Variants in ASTN2 observed in about 807,000 individuals in gnomAD.
The protein encoded by ASTN2 is astrotactin-2.
ASTN2 carries 54 observed loss-of-function variants against 139.8 expected under a neutral mutation model. That is an observed-to-expected ratio of 0.39 (90% CI 0.31 to 0.48). ASTN2 has a LOEUF of 0.48. Ranked by LOEUF, ASTN2 falls within the 20% of genes least tolerant of loss-of-function variation. ASTN2 has a pLI of 0.95. For missense variants in ASTN2, 1,565 were observed against 1,725.1 expected (o/e 0.91, Z 1.64); for synonymous variants, 756 against 719.5 (o/e 1.05, Z -0.81).
intron 17 of ASTN2, among the ~76,000 whole-genome samples, chr9:116,639,141 T>G (rs1857212649): frequency 6.6e-6 from 1 of 152,168 alleles, no homozygotes; most frequent in East Asian, 1.9e-4. Context: ...TAAGTTGATT[T>G]TGGAGTGGGT....
intron 1 of ASTN2, among the ~76,000 whole-genome samples, chr9:117,339,208 T>C (rs911620157): frequency 6.6e-6 from 1 of 152,154 alleles, no homozygotes; most frequent in East Asian, 1.9e-4. Context: ...CAACTGAGGC[T>C]CACAGAGGGC....
chr9:116,954,110 C>A (rs1313723168), intron 10 of ASTN2, among the ~76,000 whole-genome samples: 2 of 152,152 alleles, frequency 1.3e-5, no homozygotes, highest in Non-Finnish European at 2.9e-5. Flanking sequence ...TTATTATGAG[C>A]TGGCATTCAG....
intron 10 of ASTN2, among the ~76,000 whole-genome samples, chr9:116,960,570 C>A (rs1385612757): frequency 6.7e-6 from 1 of 150,058 alleles, no homozygotes; most frequent in African/African-American, 2.5e-5. Context: ...TTGGATAGTT[C>A]TTTATTTTAG....
intron 2 of ASTN2, among the ~76,000 whole-genome samples, chr9:117,255,259 C>G (rs16934432): frequency 6.6e-6 from 1 of 152,126 alleles, no homozygotes; most frequent in South Asian, 2.1e-4. Flanking sequence ...GTATATTTAT[C>G]GGATGCCTAC....
intron 6 of ASTN2, among the ~76,000 whole-genome samples, chr9:117,039,115 T>C (rs906618761): frequency 2.6e-5 from 4 of 152,238 alleles, no homozygotes; most frequent in East Asian, 1.9e-4. Context: ...TTCTCTGAAG[T>C]AGCTCAATCT....
chr9:116,594,896 T>A (rs539405761), intron 19 of ASTN2, among the ~76,000 whole-genome samples: 1 of 152,268 alleles, frequency 6.6e-6, no homozygotes, highest in Admixed American at 6.5e-5. Context: ...CCCCCTCAAG[T>A]TTTTTTCATT....
Position 116,487,392 on chromosome 9 carries a change from A to G in ASTN2, c.3464T>C (p.Ile1155Thr), listed in dbSNP as rs1358917560. The G allele has an allele frequency of 1.2e-6, 2 of 1,613,988 alleles. No individual in the cohort carries two copies. Among genetic ancestry groups the G allele is most frequent in the Non-Finnish European group, 1.7e-6 (2 of 1,179,980 alleles). Residue 1155 changes from isoleucine (I) to threonine (T), a missense_variant, in exon 20 of 23, where the codon ATC becomes ACC. By Grantham distance (89) the Ile-to-Thr change is moderately conservative. Transcript: ENST00000313400. ...EVPEVSIYSV[I>T]FKCLEPDGLY... ...ACCGTCGGGCTCCAGACACTTGAAG[A>G]TGACTGAGTAGATACTGACTTCAGG... is the stretch of plus-strand genomic sequence containing the variant.
intron 1 of ASTN2, among the ~76,000 whole-genome samples, chr9:117,399,900 A>T (rs913508944): frequency 1.1e-4 from 16 of 152,248 alleles, no homozygotes; most frequent in African/African-American, 3.9e-4. Flanking sequence ...TCATTAAATG[A>T]TTGATTAGCA....
chr9:116,640,232 C>T (rs1197327845), intron 17 of ASTN2, among the ~76,000 whole-genome samples: 2 of 152,100 alleles, frequency 1.3e-5, no homozygotes, highest in African/African-American at 2.4e-5. Flanking sequence ...GGGTTGGATG[C>T]TTCTATAATC....
chr9:116,510,433 G>A (rs1008443797), intron 19 of ASTN2, among the ~76,000 whole-genome samples: 2 of 152,098 alleles, frequency 1.3e-5, no homozygotes, highest in East Asian at 3.9e-4. Context: ...AAATCAGGTA[G>A]CGTGATGCCT....
chr9:117,413,238 G>A (rs1831219423), intron 1 of ASTN2, among the ~76,000 whole-genome samples: 1 of 152,238 alleles, frequency 6.6e-6, no homozygotes, highest in Non-Finnish European at 1.5e-5. Context: ...GTGGAGCGTA[G>A]TCCGCTGATT....
At chr9:116,980,359 A>G (rs1432973089) in intron 7 of ASTN2, among the ~76,000 whole-genome samples, 2 of 152,068 alleles carry the variant, frequency 1.3e-5, no homozygotes, top group Admixed American at 6.6e-5. Flanking sequence ...CAAACCTGCA[A>G]ATGTACCCCC....
At chr9:117,194,676 A>G (rs1363573914) in intron 3 of ASTN2, among the ~76,000 whole-genome samples, 1 of 152,232 alleles carries the variant, frequency 6.6e-6, no homozygotes, top group African/African-American at 2.4e-5. Flanking sequence ...GCTCATATAA[A>G]TGGACAGGAG....
rs61556942 is a variant in ASTN2 at position 116,993,853 on chromosome 9, G to GATATATATATAT, written c.1591+14227_1591+14238dup. 4.3e-3 allele frequency among the ~76,000 whole-genome samples: 563 copies of GATATATATATAT among 132,008 alleles called. 2 individuals are homozygous for GATATATATATAT. The highest frequency in any genetic ancestry group is 0.012 in the Middle Eastern group (3 of 242). The allele number at this position is 132,008 out of a possible 152,430, so 86.6% of individuals were successfully genotyped here. Reference sequence around the variant, plus strand: ...AGTATACTTTATATAGTATGTACATGATATATATATATATATATATATATT... The same window carrying GATATATATATAT: ...AGTATACTTTATATAGTATGTACATGATATATATATATATATATATATATATATATATATATT... On this transcript the variant is annotated intron_variant, in intron 7 of 22. Transcript: ENST00000313400.
chr9:116,609,328 C>CTCTCTA (rs140484650), intron 19 of ASTN2, among the ~76,000 whole-genome samples: 1 of 122,530 alleles, frequency 8.2e-6, no homozygotes, highest in South Asian at 2.8e-4. Flanking sequence ...CTCTCTCTCT[C>CTCTCTA]TATATATATA....
chr9:117,112,774 T>C (rs530079767), intron 4 of ASTN2, among the ~76,000 whole-genome samples: 1 of 151,854 alleles, frequency 6.6e-6, no homozygotes, highest in African/African-American at 2.4e-5. Flanking sequence ...TTTAGAAAAA[T>C]GAAAGATCTT....
At chr9:116,784,416 T>C (rs1458639330) in intron 13 of ASTN2, among the ~76,000 whole-genome samples, 1 of 152,170 alleles carries the variant, frequency 6.6e-6, no homozygotes, top group Non-Finnish European at 1.5e-5. Flanking sequence ...GTTCAGTAAA[T>C]AGCAAATATT....
intron 20 of ASTN2, among the ~76,000 whole-genome samples, chr9:116,478,361 G>A (rs1440130119): frequency 6.6e-6 from 1 of 152,088 alleles, no homozygotes; most frequent in Non-Finnish European, 1.5e-5. Context: ...TTCACAATGG[G>A]AAGAAAAAGC....
At chr9:116,457,718 G>A (rs925894925) in intron 20 of ASTN2, among the ~76,000 whole-genome samples, 1 of 152,148 alleles carries the variant, frequency 6.6e-6, no homozygotes, top group African/African-American at 2.4e-5. Context: ...TGACAAAGAT[G>A]TGGAGAAAGG....
Sources: allele counts gnomAD v4.1 joint callset (sites outside exome capture counted in the v4.1 genomes callset), GRCh38; gene constraint gnomAD v4.1.1; transcripts MANE v1.5; gene names NCBI Gene and HGNC (gene_info 2026-07-23, HGNC 2026-07-21).